ZNF446: variants seen among roughly 807,000 people sequenced by gnomAD.
ZNF446 encodes zinc finger protein with KRAB and SCAN domains 20.
In ZNF446, 42 loss-of-function variants were observed where a neutral mutation model predicts 34.0. That is an observed-to-expected ratio of 1.23 (90% CI 0.96 to 1.60). The LOEUF is 1.60. ZNF446 is among the 40% of genes most tolerant of loss of function. The pLI is 0.00. For missense variants in ZNF446, 650 were observed against 600.2 expected, an observed-to-expected ratio of 1.08 and a Z score of -0.87; for synonymous variants, 315 against 251.0, an observed-to-expected ratio of 1.25 and a Z score of -2.41.
At chr19:58,482,016 G>A (rs955972206), downstream of ZNF446, among the ~76,000 whole-genome samples, 1 of 151,990 alleles carries the variant, frequency 6.6e-6, no homozygotes, top group Non-Finnish European at 1.5e-5. Flanking sequence ...GGATGGTCTC[G>A]ATCTCCTGAC....
intron 4 of ZNF446, 198 bp from the exon 5 acceptor site, chr19:58,479,445 C>G: frequency 4.0e-5 from 24 of 599,446 alleles, no homozygotes; most frequent in Admixed American, 1.2e-4. Context: ...GGGATGAGTG[C>G]TGGCAGCAGC....
At position 58,479,966 on chromosome 19, in the gene ZNF446, C is replaced by A. The variant is rs1163136664; in HGVS notation, c.749C>A (p.Ser250Ter). 1 of 1,589,874 alleles carries A rather than the reference C, an allele frequency of 6.3e-7. No homozygotes were observed. Among genetic ancestry groups the A allele is most frequent in the Admixed American group, 1.8e-5 (1 of 56,706 alleles). The change falls in exon 6 of 7, where the codon TCA becomes TAA. Residue 250 changes from serine to a stop codon, truncating the protein, a stop_gained. Coordinates refer to ENST00000594369, the MANE Select transcript of ZNF446 (RefSeq NM_017908.4). LOFTEE classifies it high-confidence loss of function. The part of the protein sequence containing the change: ...PPHQPEAQAQ[S>*]ELGMLLTGTG... Reference sequence around the variant, plus strand: ...CACCAGCCAGAGGCACAGGCCCAGTCAGAGCTGGGGATGCTGCTCACGGGG... The same window carrying A: ...CACCAGCCAGAGGCACAGGCCCAGTAAGAGCTGGGGATGCTGCTCACGGGG...
intron 4 of ZNF446, among the ~76,000 whole-genome samples, chr19:58,479,036 T>C (rs1453415145): frequency 6.6e-6 from 1 of 152,166 alleles, no homozygotes; most frequent in Non-Finnish European, 1.5e-5. Flanking sequence ...GGTCTTTTCC[T>C]CTCCCGGCTC....
At chr19:58,488,807 C>T in the ZNF446 span, among the ~76,000 whole-genome samples, 5 of 148,922 alleles carry the variant, frequency 3.4e-5, no homozygotes, top group Middle Eastern at 3.5e-3. Flanking sequence ...GCCAAGATCA[C>T]GCCACTGCAC....
chr19:58,484,779 C>T (rs144953497), downstream of ZNF446, among the ~76,000 whole-genome samples: 1,115 of 152,122 alleles, frequency 7.3e-3, 19 homozygotes, highest in African/African-American at 0.026. Context: ...ACATTTCAGC[C>T]GGGTGCAGTG....
downstream of ZNF446, among the ~76,000 whole-genome samples, chr19:58,483,172 C>T (rs2053151453): frequency 7.3e-6 from 1 of 137,664 alleles, no homozygotes; most frequent in African/African-American, 2.9e-5. Context: ...ATAGTGAGAC[C>T]TTGTCTCCAA....
downstream of ZNF446, among the ~76,000 whole-genome samples, chr19:58,482,037 A>G (rs914231985): frequency 1.6e-4 from 24 of 152,034 alleles, no homozygotes; most frequent in East Asian, 3.1e-3. Context: ...CTCGTGATCC[A>G]CCCACCTCGG....
the ZNF446 span, among the ~76,000 whole-genome samples, chr19:58,486,903 C>T: frequency 5.3e-5 from 8 of 151,028 alleles, no homozygotes; most frequent in South Asian, 2.1e-4. Context: ...CCTGGGTTCA[C>T]GCCATTCTCC....
chr19:58,477,776 A>C lies in ZNF446; in HGVS notation c.482A>C (p.Gln161Pro), dbSNP rs747458302. ...PQDTRIEGSV[Q>P]LSCSVKEEPN... ...GACACCAGAATAGAGGGGTCTGTCC[A>C]GCTCAGCTGCAGTGTGAAGGAGGAG... Residue 161 changes from glutamine to proline, a missense_variant, in exon 3 of 7, where the codon CAG becomes CCG. Transcript: ENST00000594369. 1.1e-5 allele frequency: 17 copies of C among 1,603,926 alleles called. No homozygotes were observed. The highest frequency in any genetic ancestry group is 2.7e-5 in the African/African-American group (2 of 74,454).
At chr19:58,479,171 G>A (rs1251759939) in intron 4 of ZNF446, among the ~76,000 whole-genome samples, 1 of 152,056 alleles carries the variant, frequency 6.6e-6, no homozygotes, top group African/African-American at 2.4e-5. Context: ...AGGCAGGGTG[G>A]GTAGGCTGCA....
downstream of ZNF446, among the ~76,000 whole-genome samples, chr19:58,482,375 T>C (rs899835462): frequency 6.6e-6 from 1 of 152,136 alleles, no homozygotes; most frequent in Non-Finnish European, 1.5e-5. Flanking sequence ...CCAATTGAGA[T>C]GTTCACAGCT....
chr19:58,479,738 G>A lies in ZNF446; in HGVS notation c.712+11G>A. On this transcript the variant is annotated intron_variant, in intron 5 of 6. Transcript: ENST00000594369. ...CAGTGGTCTCCCTGGGTGAGGACCAGCCAGCCCCACCCCGCCCCTCTCCCT... is the reference window on the plus strand; with the variant it reads ...CAGTGGTCTCCCTGGGTGAGGACCAACCAGCCCCACCCCGCCCCTCTCCCT... 1.2e-6 allele frequency: 2 copies of A among 1,606,718 alleles called. No homozygotes were observed. The highest frequency in any genetic ancestry group is 1.7e-6 in the Non-Finnish European group (2 of 1,177,774).
At chr19:58,482,703 G>A (rs779698867), downstream of ZNF446, among the ~76,000 whole-genome samples, 2 of 152,142 alleles carry the variant, frequency 1.3e-5, no homozygotes, top group African/African-American at 2.4e-5. Context: ...CTTCTAACCC[G>A]TTGCTCCCAT....
chr19:58,476,659 T>G (rs1326105978), intron 1 of ZNF446, among the ~76,000 whole-genome samples, 155 bp downstream of exon 1: 4 of 152,140 alleles, frequency 2.6e-5, no homozygotes, highest in Non-Finnish European at 5.9e-5. Flanking sequence ...CGGCTCGCTG[T>G]GGTCAGCGAG....
chr19:58,481,801 T>C (rs1398868151), downstream of ZNF446, among the ~76,000 whole-genome samples: 1 of 152,144 alleles, frequency 6.6e-6, no homozygotes, highest in Non-Finnish European at 1.5e-5. Flanking sequence ...TTGTTTTGTT[T>C]TGTTTTGTCT....
chr19:58,480,620 G>A lies in ZNF446; in HGVS notation c.1247G>A (p.Ser416Asn). The change falls in exon 7 of 7, where the codon AGC (serine) becomes AAC (asparagine). Residue 416 changes from serine (S) to asparagine (N), a missense_variant. Transcript: ENST00000594369. The surrounding 1 kb of genome is among the most constrained non-coding windows in gnomAD (Gnocchi z 7.2). ...WKSQLVIHRK[S>N]HTGQRRHFCS... ...TCGCAGCTGGTCATCCACCGCAAGAGCCACACAGGCCAGCGGCGTCACTTC... is the reference window on the plus strand; with the variant it reads ...TCGCAGCTGGTCATCCACCGCAAGAACCACACAGGCCAGCGGCGTCACTTC... The A allele has an allele frequency of 6.2e-7, 1 of 1,612,494 alleles. No individual in the cohort carries two copies.
chr19:58,477,201 C>CCA lies in ZNF446; in HGVS notation c.-16_-15dup. 6.5e-7 allele frequency: 1 copy of CCA among 1,530,616 alleles called. No individual in the cohort carries two copies. The highest frequency in any genetic ancestry group is 1.4e-5 in the African/African-American group (1 of 72,426). 94.8% of individuals were successfully genotyped at this position (1,530,616 alleles called of 1,614,324 possible). On this transcript the variant is annotated 5_prime_UTR_variant, in exon 2 of 7. Coordinates refer to ENST00000594369, the MANE Select transcript of ZNF446 (RefSeq NM_017908.4). The stretch of plus-strand genomic sequence containing the variant: ...TAGGCCCATCTTGACGATTCCAAGA[C>CCA]CACCCCCTTGAGCAAGAATGCCATC...
the ZNF446 span, among the ~76,000 whole-genome samples, chr19:58,488,864 AC>A: frequency 2.3e-4 from 34 of 146,726 alleles, 2 homozygotes; most frequent in African/African-American, 6.2e-4. Flanking sequence ...AAAAAAAAAA[AC>A]AAAAAAATAC....
Position 58,477,442 on chromosome 19 carries a change from T to G in ZNF446, c.224T>G (p.Leu75Arg), listed in dbSNP as rs932673545. The change falls in exon 2 of 7, where the codon CTG becomes CGG. Residue 75 changes from leucine to arginine, a missense_variant. Transcript: ENST00000594369. The stretch of plus-strand genomic sequence containing the variant: ...GAGATGCTGGTGCTGGAGCAGTTCC[T>G]GGGCACACTGCCTCCCGAGATCCAG... ...MLEMLVLEQF[L>R]GTLPPEIQAW... 6.2e-7 allele frequency: 1 copy of G among 1,613,586 alleles called. No homozygotes were observed. The highest frequency in any genetic ancestry group is 8.5e-7 in the Non-Finnish European group (1 of 1,180,024).
Sources: gnomAD v4.1 joint callset for allele counts (sites outside exome capture counted in the v4.1 genomes callset) on GRCh38, gnomAD v4.1.1 for gene constraint, Gnocchi (gnomAD v3.1) non-coding constraint, MANE v1.5 for transcripts, NCBI Gene and HGNC (gene_info 2026-07-23, HGNC 2026-07-21) for gene names.